DNAJC24: variants seen among roughly 807,000 people sequenced by gnomAD.
DNAJC24 encodes the protein dnaJ homolog subfamily C member 24.
In DNAJC24, 17 loss-of-function variants were observed where a neutral mutation model predicts 18.0. The observed-to-expected ratio is 0.94, with a 90% CI of 0.65 to 1.42. DNAJC24 has a LOEUF of 1.42. DNAJC24 is among the 40% of genes most tolerant of loss of function. The pLI, the probability that DNAJC24 is intolerant of heterozygous loss-of-function variation, is 0.00. For synonymous variants in DNAJC24, 55 were observed against 57.7 expected (o/e 0.95, Z 0.21); for missense variants, 158 against 175.6 (o/e 0.90, Z 0.57).
rs889225771 is a variant in DNAJC24 at position 31,390,288 on chromosome 11, AG to A, written c.111+19435del. ...GCATGCACCTGTAATCTCAGCTAGTAGGGGGGCTGAGGCAGGAGAATTGCTT... is the reference window on the plus strand; with the variant it reads ...GCATGCACCTGTAATCTCAGCTAGTAGGGGGCTGAGGCAGGAGAATTGCTT... On this transcript the variant is annotated intron_variant, in intron 2 of 4. Coordinates refer to ENST00000465995, the MANE Select transcript of DNAJC24 (RefSeq NM_181706.5). 3.6e-4 allele frequency among the ~76,000 whole-genome samples: 51 copies of A among 141,864 alleles called. 1 individual carries two copies. Among genetic ancestry groups the A allele is most frequent in the African/African-American group, 1.3e-3 (48 of 38,022 alleles). The allele number at this position is 141,864 out of a possible 152,430, so 93.1% of individuals were successfully genotyped here. A position where few individuals can be genotyped will look rare whatever the true frequency, so the allele number is the denominator to read the frequency against.
intron 2 of DNAJC24, chr11:31,408,323 G>T (rs1011727959): frequency 2.6e-6 from 1 of 390,218 alleles, no homozygotes; most frequent in African/African-American, 2.1e-5. Context: ...TCCCTCTGAA[G>T]ATTTGAGGTG....
At chr11:31,401,976 G>A (rs1474680473) in intron 2 of DNAJC24, among the ~76,000 whole-genome samples, 4 of 152,186 alleles carry the variant, frequency 2.6e-5, no homozygotes, top group Admixed American at 6.5e-5. Flanking sequence ...CTCTAGGAAA[G>A]CATATTGGTT....
At chr11:31,374,297 G>T in intron 2 of DNAJC24, 1 of 148,238 alleles carries the variant, frequency 6.7e-6, no homozygotes, top group Non-Finnish European at 1.5e-5. Context: ...AGTTTTTATG[G>T]TAAGTAGGTA....
intron 2 of DNAJC24, among the ~76,000 whole-genome samples, chr11:31,386,469 C>T (rs115165934): frequency 1.8e-3 from 272 of 151,940 alleles, no homozygotes; most frequent in African/African-American, 6.2e-3. Context: ...GGCTGTAGCT[C>T]CTAGACTACA....
intron 2 of DNAJC24, among the ~76,000 whole-genome samples, chr11:31,410,291 A>G (rs1039279822): frequency 5.3e-5 from 8 of 152,202 alleles, no homozygotes; most frequent in African/African-American, 1.9e-4. Flanking sequence ...CCTAATAACT[A>G]ATAAAAAAGT....
intron 2 of DNAJC24, among the ~76,000 whole-genome samples, chr11:31,395,997 T>G (rs2133481875): frequency 6.6e-6 from 1 of 152,344 alleles, no homozygotes; most frequent in South Asian, 2.1e-4. Context: ...CAAAAAATTC[T>G]TCATTGACCT....
intron 2 of DNAJC24, among the ~76,000 whole-genome samples, chr11:31,395,502 A>T (rs1387636844): frequency 6.6e-6 from 1 of 152,158 alleles, no homozygotes; most frequent in Non-Finnish European, 1.5e-5. Context: ...ACTTATTTGC[A>T]TTCCCACTAG....
chr11:31,378,639 A>G (rs1357772885), intron 2 of DNAJC24, among the ~76,000 whole-genome samples: 1 of 152,206 alleles, frequency 6.6e-6, no homozygotes, highest in Non-Finnish European at 1.5e-5. Flanking sequence ...GCAGGCAGTC[A>G]GTTACCTTTC....
intron 3 of DNAJC24, among the ~76,000 whole-genome samples, chr11:31,420,430 C>T (rs566512412): frequency 6.6e-6 from 1 of 152,162 alleles, no homozygotes; most frequent in East Asian, 1.9e-4. Flanking sequence ...TAGCAGAGTA[C>T]TTCAGACTTC....
intron 2 of DNAJC24, among the ~76,000 whole-genome samples, chr11:31,402,639 G>T (rs889584420): frequency 6.6e-5 from 10 of 152,102 alleles, no homozygotes; most frequent in African/African-American, 2.4e-4. Flanking sequence ...CTCTTGGGTA[G>T]CTAGGACTGC....
intron 2 of DNAJC24, among the ~76,000 whole-genome samples, chr11:31,388,367 A>G (rs928312469): frequency 6.6e-6 from 1 of 152,220 alleles, no homozygotes; most frequent in Admixed American, 6.5e-5. Flanking sequence ...TAAAAGCAGC[A>G]AGAGAAAAGA....
rs1450344345 is a variant in DNAJC24 at position 31,430,883 on chromosome 11, T to C, written c.*482T>C. On this transcript the variant is annotated 3_prime_UTR_variant, in exon 5 of 5. Coordinates refer to ENST00000465995, the MANE Select transcript of DNAJC24 (RefSeq NM_181706.5). The stretch of plus-strand genomic sequence containing the variant: ...AAGGAAGGCTGGTTATGGATATTCA[T>C]AAGGTTATTTCAAAGTTAATAAAGA... 6.6e-6 allele frequency: 1 copy of C among 152,604 alleles called. No homozygotes were observed. The highest frequency in any genetic ancestry group is 1.5e-5 in the Non-Finnish European group (1 of 68,042). 9.5% of individuals were successfully genotyped at this position (152,604 alleles called of 1,614,324 possible).
chr11:31,370,612 A>G, intron 1 of DNAJC24, 104 bp from the exon 2 acceptor site: 1 of 514,958 alleles, frequency 1.9e-6, no homozygotes, highest in Non-Finnish European at 3.5e-6. Flanking sequence ...CATTATAATC[A>G]TGATTTACTC....
rs1475246353 is a variant in DNAJC24 at position 31,432,584 on chromosome 11, G to C, written c.*2183G>C. The stretch of plus-strand genomic sequence containing the variant: ...GAGGCCAAATCTGTAAAATCAAAAT[G>C]AGGTTGAAGACAATTAGTGAAAGTA... On this transcript the variant is annotated 3_prime_UTR_variant, in exon 5 of 5. Coordinates refer to ENST00000465995, the MANE Select transcript of DNAJC24 (RefSeq NM_181706.5). The C allele has an allele frequency of 6.3e-7, 1 of 1,578,836 alleles. No individual in the cohort carries two copies. The highest frequency in any genetic ancestry group is 1.7e-5 in the Admixed American group (1 of 59,928).
At chr11:31,414,046 A>G (rs902201252) in intron 2 of DNAJC24, among the ~76,000 whole-genome samples, 19 of 152,228 alleles carry the variant, frequency 1.2e-4, no homozygotes, top group African/African-American at 3.9e-4. Flanking sequence ...AGCTACATGT[A>G]TATCAGCATT....
Position 31,389,499 on chromosome 11 carries a change from C to G in DNAJC24, c.111+18640C>G, listed in dbSNP as rs188394810. On this transcript the variant is annotated intron_variant, in intron 2 of 4. Transcript: ENST00000465995. ...ACACCAAATAGATATCTAGAGCAGCCAGATATATAAAGCAAACATTATTAG... is the reference window on the plus strand; with the variant it reads ...ACACCAAATAGATATCTAGAGCAGCGAGATATATAAAGCAAACATTATTAG... 6.0e-3 allele frequency among the ~76,000 whole-genome samples: 907 copies of G among 152,158 alleles called. 10 individuals carry two copies. Among genetic ancestry groups the G allele is most frequent in the African/African-American group, 0.02 (845 of 41,508 alleles).
intron 2 of DNAJC24, among the ~76,000 whole-genome samples, chr11:31,413,088 C>G (rs181943522): frequency 6.6e-5 from 10 of 151,960 alleles, no homozygotes; most frequent in African/African-American, 2.4e-4. Context: ...CTGATAATGT[C>G]TATAAGGCAG....
chr11:31,424,701 AC>A (rs1159100155), intron 3 of DNAJC24, among the ~76,000 whole-genome samples: 1 of 152,208 alleles, frequency 6.6e-6, no homozygotes, highest in Non-Finnish European at 1.5e-5. Flanking sequence ...GACTACTGGT[AC>A]CCAGTAAATA....
Position 31,414,841 on chromosome 11 carries a change from C to A in DNAJC24, c.142C>A (p.Pro48Thr). 1 of 1,613,628 alleles carries A rather than the reference C, an allele frequency of 6.2e-7. No homozygotes were observed. The highest frequency in any genetic ancestry group is 1.1e-5 in the South Asian group (1 of 91,006). The change falls in exon 3 of 5, where the codon CCA becomes ACA. Residue 48 changes from proline (P) to threonine (T), a missense_variant. Transcript: ENST00000465995. The stretch of plus-strand genomic sequence containing the variant: ...TCCAGATAAACAAAGTACAGATGTA[C>A]CAGCAGGAACAGTGGAGGAATGTGT... ...YHPDKQSTDV[P>T]AGTVEECVQK...
Sources: allele counts gnomAD v4.1 joint callset (sites outside exome capture counted in the v4.1 genomes callset), GRCh38; gene constraint gnomAD v4.1.1; transcripts MANE v1.5; gene names NCBI Gene and HGNC (gene_info 2026-07-23, HGNC 2026-07-21).